The following PRKN variants were observed in gnomAD, a reference collection of about 807,000 sequenced individuals.
PRKN encodes parkin RBR E3 ubiquitin protein ligase, also known as E3 ubiquitin-protein ligase parkin.
PRKN carries 56 observed loss-of-function variants against 59.5 expected under a neutral mutation model. The ratio of observed to expected loss-of-function variants is 0.94; its 90% confidence interval spans 0.76 to 1.18. The LOEUF (loss-of-function observed/expected upper bound fraction) is 1.18, where lower values mean the gene tolerates loss of function less well. Ranked by LOEUF, PRKN falls within the 50% of genes most tolerant of loss-of-function variation. The pLI is 0.00. For missense variants in PRKN, 657 were observed against 596.4 expected, an observed-to-expected ratio of 1.10 and a Z score of -1.06; for synonymous variants, 250 against 222.1, an observed-to-expected ratio of 1.13 and a Z score of -1.12.
intron 4 of PRKN, among the ~76,000 whole-genome samples, chr6:162,088,419 A>G (rs1422974837): frequency 6.6e-6 from 1 of 152,182 alleles, no homozygotes; most frequent in African/African-American, 2.4e-5. Context: ...TTTACTGGAT[A>G]TTTTGTCAAT....
chr6:161,803,463 T>C (rs1791174975), intron 6 of PRKN, among the ~76,000 whole-genome samples: 2 of 152,190 alleles, frequency 1.3e-5, no homozygotes, highest in Admixed American at 1.3e-4. Context: ...CCTTCTGAAT[T>C]CCTGCCTTTC....
intron 2 of PRKN, among the ~76,000 whole-genome samples, chr6:162,309,052 C>T (rs1782356543): frequency 6.6e-6 from 1 of 152,144 alleles, no homozygotes; most frequent in Non-Finnish European, 1.5e-5. Context: ...GTCTCAGAGA[C>T]TGGCTTCAGA....
At chr6:162,549,086 G>T (rs1779233324) in intron 1 of PRKN, among the ~76,000 whole-genome samples, 1 of 152,000 alleles carries the variant, frequency 6.6e-6, no homozygotes, top group Admixed American at 6.6e-5. Flanking sequence ...GCATTCGGAG[G>T]GTTATTAGGG....
In PRKN at chr6:162,652,438, T is replaced by C. The variant is rs555887805; in HGVS notation, c.7+75224A>G. ...CAATTTCTCAGTACCATAGTCTCTA[T>C]CATTTCATATATAAATTCCTTTAAA... On this transcript the variant is annotated intron_variant, in intron 1 of 11. Coordinates refer to ENST00000366898, the MANE Select transcript of PRKN (RefSeq NM_004562.3). 9.2e-5 allele frequency among the ~76,000 whole-genome samples: 14 copies of C among 152,318 alleles called. No individual in the cohort carries two copies. The Middle Eastern group carries it at 0.01, about 111-fold the overall frequency.
In PRKN at chr6:162,311,293, A is replaced by C. The variant is rs1782503657; in HGVS notation, c.172-48528T>G. Among the ~76,000 whole-genome samples, 3 of 152,132 alleles carry C rather than the reference A, an allele frequency of 2.0e-5. No individual in the cohort carries two copies. In the South Asian group the frequency reaches 6.2e-4, roughly 32 times the overall value. ...AGATGCTTCCTGGGAGATGGTTTGT[A>C]CCTGGCAACTCATAATCATTAGCTC... On this transcript the variant is annotated intron_variant, in intron 2 of 11. Transcript: ENST00000366898.
intron 4 of PRKN, among the ~76,000 whole-genome samples, chr6:162,108,855 G>A (rs1780299622): frequency 1.3e-5 from 2 of 152,166 alleles, no homozygotes; most frequent in African/African-American, 2.4e-5. Context: ...GGACAGGTGA[G>A]ACCCACAACT....
chr6:162,070,804 G>T (rs897748499), intron 4 of PRKN, among the ~76,000 whole-genome samples: 2 of 152,136 alleles, frequency 1.3e-5, no homozygotes, highest in African/African-American at 4.8e-5. Flanking sequence ...TTGACAGGAG[G>T]TGGAGCTCGG....
chr6:161,363,447 G>A lies in PRKN; in HGVS notation c.1168-3242C>T, dbSNP rs1785062881. On this transcript the variant is annotated intron_variant, in intron 10 of 11. Transcript: ENST00000366898. This position sits in a 1 kb window ranked among gnomAD's most constrained non-coding sequence, Gnocchi z 4.1. Reference sequence around the variant, plus strand: ...AGTTGATGAGTTACATAACAAATTAGATACAAATGAAGAGAGAATTTGTGA... The same window carrying A: ...AGTTGATGAGTTACATAACAAATTAAATACAAATGAAGAGAGAATTTGTGA... 6.6e-6 allele frequency among the ~76,000 whole-genome samples: 1 copy of A among 152,114 alleles called. No individual in the cohort carries two copies. Among genetic ancestry groups the A allele is most frequent in the African/African-American group, 2.4e-5 (1 of 41,416 alleles).
intron 7 of PRKN, among the ~76,000 whole-genome samples, chr6:161,703,876 T>A (rs918731059): frequency 2.4e-5 from 3 of 125,132 alleles, no homozygotes; most frequent in Admixed American, 1.7e-4. Context: ...TTTTTTTTTT[T>A]ACAGAGTCTT....
intron 5 of PRKN, among the ~76,000 whole-genome samples, chr6:162,039,285 G>A (rs1783971099): frequency 1.3e-5 from 2 of 152,186 alleles, no homozygotes; most frequent in South Asian, 2.1e-4. Context: ...ACTCTACTTC[G>A]GATGCTTTGA....
chr6:162,313,845 C>A (rs746996902), intron 2 of PRKN, among the ~76,000 whole-genome samples: 1 of 152,088 alleles, frequency 6.6e-6, no homozygotes, highest in South Asian at 2.1e-4. Context: ...ATTGTTTCCA[C>A]CTTTTGGCCA....
At chr6:161,981,356 C>T (rs917817671) in intron 5 of PRKN, among the ~76,000 whole-genome samples, 2 of 152,128 alleles carry the variant, frequency 1.3e-5, no homozygotes, top group Non-Finnish European at 2.9e-5. Flanking sequence ...CATTATTAAT[C>T]TTAATAATAA....
At chr6:162,326,394 G>A (rs1783279878) in intron 2 of PRKN, among the ~76,000 whole-genome samples, 1 of 151,946 alleles carries the variant, frequency 6.6e-6, no homozygotes, top group Non-Finnish European at 1.5e-5. Flanking sequence ...TTTATCATTT[G>A]CCTTAGGATG....
chr6:162,616,018 T>C (rs1249164445), intron 1 of PRKN, among the ~76,000 whole-genome samples: 1 of 152,222 alleles, frequency 6.6e-6, no homozygotes, highest in African/African-American at 2.4e-5. Flanking sequence ...AACAATTCTA[T>C]ACCCGTATAT....
chr6:161,902,550 T>TATC lies in PRKN; in HGVS notation c.734+70751_734+70752insGAT, dbSNP rs1554245408. 5.0e-3 allele frequency among the ~76,000 whole-genome samples: 509 copies of TATC among 101,364 alleles called. 1 individual carries two copies. Among genetic ancestry groups the TATC allele is most frequent in the Non-Finnish European group, 8.4e-3 (403 of 48,162 alleles). The allele number at this position is 101,364 out of a possible 152,430, so 66.5% of individuals were successfully genotyped here. A position where few individuals can be genotyped will look rare whatever the true frequency, so the allele number is the denominator to read the frequency against. On this transcript the variant is annotated intron_variant, in intron 6 of 11. Transcript: ENST00000366898. ...TCTATCTATCTATCTATCTATCTAT[T>TATC]TATTTATTTATTTATTTTTTTTTTT...
intron 9 of PRKN, among the ~76,000 whole-genome samples, chr6:161,443,527 C>T (rs1186816132): frequency 6.6e-6 from 1 of 152,150 alleles, no homozygotes; most frequent in Admixed American, 6.5e-5. Context: ...TTCATTGTCG[C>T]ACAGACTTTG....
At chr6:162,636,630 A>C (rs1328321398) in intron 1 of PRKN, among the ~76,000 whole-genome samples, 6 of 152,208 alleles carry the variant, frequency 3.9e-5, no homozygotes, top group Non-Finnish European at 8.8e-5. Flanking sequence ...TGACTTGTGT[A>C]AACAGTGACA....
rs1319877488 is a variant in PRKN at position 161,460,754 on chromosome 6, T to G, written c.1084-73877A>C. 6.6e-6 allele frequency among the ~76,000 whole-genome samples: 1 copy of G among 151,552 alleles called. No individual in the cohort carries two copies. The highest frequency in any genetic ancestry group is 1.9e-4 in the East Asian group (1 of 5,166). On this transcript the variant is annotated intron_variant, in intron 9 of 11. Transcript: ENST00000366898. The surrounding 1 kb of genome is among the most constrained non-coding windows in gnomAD (Gnocchi z 5.0). ...CCACACACCAACCAAGAGTTATCTT[T>G]TTTTTTTTTTTCTTCAGATGGAGTC...
intron 1 of PRKN, among the ~76,000 whole-genome samples, chr6:162,654,718 G>A (rs1778573904): frequency 1.3e-5 from 2 of 152,130 alleles, no homozygotes; most frequent in South Asian, 4.1e-4. Flanking sequence ...ATTAATGAAA[G>A]ATGTTTGATT....
Sources: allele counts gnomAD v4.1 joint callset (sites outside exome capture counted in the v4.1 genomes callset), GRCh38; gene constraint gnomAD v4.1.1; non-coding constraint Gnocchi (gnomAD v3.1); transcripts MANE v1.5; gene names NCBI Gene and HGNC (gene_info 2026-07-23, HGNC 2026-07-21).